ATRNL1: variants seen among roughly 807,000 people sequenced by gnomAD.
ATRNL1 encodes attractin-like protein 1.
A neutral mutation model predicts 182.7 loss-of-function variants in ATRNL1; 95 were observed. The observed-to-expected ratio is 0.52, with a 90% CI of 0.44 to 0.62. ATRNL1 has a LOEUF of 0.62. Among genes scored for constraint, ATRNL1 ranks in the 20% least tolerant of loss-of-function variants. ATRNL1 has a pLI of 0.00. For missense variants in ATRNL1, 1,471 were observed against 1,679.5 expected (o/e 0.88, Z 2.17); for synonymous variants, 576 against 568.3 (o/e 1.01, Z -0.19).
chr10:115,631,925 G>A (rs1188649995), intron 26 of ATRNL1, among the ~76,000 whole-genome samples: 1 of 152,066 alleles, frequency 6.6e-6, no homozygotes, highest in Non-Finnish European at 1.5e-5. Context: ...GGGGAAATAA[G>A]ATTTGGCACT....
At chr10:115,419,293 A>G (rs1050161904) in intron 20 of ATRNL1, among the ~76,000 whole-genome samples, 1 of 152,184 alleles carries the variant, frequency 6.6e-6, no homozygotes, top group African/African-American at 2.4e-5. Flanking sequence ...AGATAACACT[A>G]AAAAAGTAAG....
At chr10:115,603,288 C>G (rs182642372) in intron 26 of ATRNL1, among the ~76,000 whole-genome samples, 122 of 152,126 alleles carry the variant, frequency 8.0e-4, no homozygotes, top group Non-Finnish European at 6.6e-4. Context: ...AAAAGCCCAC[C>G]AAGAATTGCT....
chr10:115,805,922 G>A (rs897227901), intron 27 of ATRNL1, among the ~76,000 whole-genome samples: 3 of 151,982 alleles, frequency 2.0e-5, no homozygotes, highest in Admixed American at 1.3e-4. Flanking sequence ...TACATAAAAC[G>A]ATAAATTATC....
At chr10:115,900,766 G>A (rs782655952) in intron 28 of ATRNL1, among the ~76,000 whole-genome samples, 3 of 152,080 alleles carry the variant, frequency 2.0e-5, no homozygotes, top group Admixed American at 6.5e-5. Context: ...ACGTTATACT[G>A]CCTCAGCTAT....
intron 1 of ATRNL1, among the ~76,000 whole-genome samples, chr10:115,113,189 A>T (rs1434322107): frequency 1.3e-5 from 2 of 152,186 alleles, no homozygotes; most frequent in Non-Finnish European, 2.9e-5. Flanking sequence ...GACTTTCTGG[A>T]TGGCCAAAAT....
In ATRNL1 at chr10:115,389,536, A is replaced by ATG. The variant is rs1198746322; in HGVS notation, c.3176-5119_3176-5118dup. Among the ~76,000 whole-genome samples, 160 of 69,050 alleles carry ATG rather than the reference A, an allele frequency of 2.3e-3. 20 individuals carry two copies. The highest frequency in any genetic ancestry group is 0.01 in the African/African-American group (123 of 11,718). 45.3% of individuals were successfully genotyped at this position (69,050 alleles called of 152,430 possible). On this transcript the variant is annotated intron_variant, in intron 19 of 28. Coordinates refer to ENST00000355044, the MANE Select transcript of ATRNL1 (RefSeq NM_207303.4). The stretch of plus-strand genomic sequence containing the variant: ...AAAGCTGAATAGTATTCAAATGTGT[A>ATG]TGTGTATATATATATATATATATAT...
At chr10:115,115,739 T>C (rs1844456016) in intron 1 of ATRNL1, among the ~76,000 whole-genome samples, 1 of 152,144 alleles carries the variant, frequency 6.6e-6, no homozygotes, top group South Asian at 2.1e-4. Context: ...AAACAGGATT[T>C]ATTGTTTCAG....
chr10:115,319,858 G>T (rs537149292), intron 18 of ATRNL1, among the ~76,000 whole-genome samples: 1 of 152,104 alleles, frequency 6.6e-6, no homozygotes, highest in African/African-American at 2.4e-5. Context: ...TTGCAAGTCT[G>T]TGTCTTTTAA....
At position 115,237,395 on chromosome 10, in the gene ATRNL1, C is replaced by T. The variant is rs57663757; in HGVS notation, c.1533-4176C>T. On this transcript the variant is annotated intron_variant, in intron 9 of 28. Coordinates refer to ENST00000355044, the MANE Select transcript of ATRNL1 (RefSeq NM_207303.4). ...TCCTGTTGCTCTAGATCGTTGCCAT[C>T]TTTTGTCAGCATTTTAGATTTTAGC... Among the ~76,000 whole-genome samples the T allele has an allele frequency of 7.0e-4, 107 of 152,274 alleles. 2 individuals are homozygous for T. The East Asian group carries it at 0.016, about 23-fold the overall frequency.
At chr10:115,637,640 T>TA (rs1858970661) in intron 26 of ATRNL1, among the ~76,000 whole-genome samples, 1 of 146,266 alleles carries the variant, frequency 6.8e-6, no homozygotes, top group African/African-American at 2.5e-5. Context: ...TTATTATTAT[T>TA]TTGAGATGGA....
At chr10:115,169,140 T>C (rs1211038444) in intron 7 of ATRNL1, among the ~76,000 whole-genome samples, 1 of 151,458 alleles carries the variant, frequency 6.6e-6, no homozygotes. Context: ...CATAGATGTG[T>C]GGGTTTATTT....
chr10:115,577,904 T>C (rs757908456), intron 26 of ATRNL1, among the ~76,000 whole-genome samples: 13 of 151,704 alleles, frequency 8.6e-5, no homozygotes, highest in Non-Finnish European at 1.5e-4. Context: ...AAATGACCTT[T>C]ATTATGTTCA....
chr10:115,604,667 A>T (rs11197345), intron 26 of ATRNL1, among the ~76,000 whole-genome samples: 2 of 151,920 alleles, frequency 1.3e-5, no homozygotes, highest in Non-Finnish European at 1.5e-5. Flanking sequence ...CCTACATCAC[A>T]GGCTATACTA....
Position 115,918,346 on chromosome 10 carries a change from G to A in ATRNL1, c.4019-26312G>A, listed in dbSNP as rs1377114473. On this transcript the variant is annotated intron_variant, in intron 28 of 28. Transcript: ENST00000355044. ...TTGAACTCCTGACCAAAGGTAATCC[G>A]CCCACCTTGGCCTCGCAAAGTCCTA... 3.9e-5 allele frequency among the ~76,000 whole-genome samples: 6 copies of A among 152,050 alleles called. No individual in the cohort carries two copies. The East Asian group carries it at 5.8e-4, about 15-fold the overall frequency.
chr10:115,191,511 A>T (rs1311705735), intron 8 of ATRNL1, among the ~76,000 whole-genome samples: 2 of 151,976 alleles, frequency 1.3e-5, no homozygotes, highest in African/African-American at 4.8e-5. Flanking sequence ...TGATATGATT[A>T]GGCTTTGTGT....
chr10:115,524,954 A>G (rs1851134234), intron 25 of ATRNL1, among the ~76,000 whole-genome samples: 1 of 152,154 alleles, frequency 6.6e-6, no homozygotes, highest in South Asian at 2.1e-4. Context: ...TACTGTATAT[A>G]TATCCTCATG....
intron 26 of ATRNL1, among the ~76,000 whole-genome samples, chr10:115,700,841 G>A (rs1368527805): frequency 6.6e-6 from 1 of 152,038 alleles, no homozygotes; most frequent in Non-Finnish European, 1.5e-5. Context: ...TACACAGACA[G>A]CTACACAATA....
intron 5 of ATRNL1, among the ~76,000 whole-genome samples, chr10:115,146,041 GGT>G (rs1236246237): frequency 2.0e-5 from 3 of 151,334 alleles, no homozygotes; most frequent in Non-Finnish European, 2.9e-5. Flanking sequence ...ATACTGTTAG[GGT>G]GTGTTTTTTT....
At chr10:115,694,786 T>G (rs1398181934) in intron 26 of ATRNL1, among the ~76,000 whole-genome samples, 7 of 152,044 alleles carry the variant, frequency 4.6e-5, no homozygotes, top group Admixed American at 4.6e-4. Context: ...CTATGACTAG[T>G]CTAAATAAAA....
Sources: gnomAD v4.1 joint callset for allele counts (sites outside exome capture counted in the v4.1 genomes callset) on GRCh38, gnomAD v4.1.1 for gene constraint, MANE v1.5 for transcripts, NCBI Gene and HGNC (gene_info 2026-07-23, HGNC 2026-07-21) for gene names.